Variants in TMEFF1 observed in about 807,000 individuals in gnomAD.
TMEFF1 encodes transmembrane protein with EGF like and two follistatin like domains 1.
A neutral mutation model predicts 47.5 loss-of-function variants in TMEFF1; 20 were observed. That is an observed-to-expected ratio of 0.42 (90% CI 0.30 to 0.61). The LOEUF (loss-of-function observed/expected upper bound fraction) is 0.61, where lower values mean the gene tolerates loss of function less well. Ranked by LOEUF, TMEFF1 falls within the 20% of genes least tolerant of loss-of-function variation. TMEFF1 has a pLI of 0.19. For missense variants in TMEFF1, 411 were observed against 471.1 expected (o/e 0.87, Z 1.18); for synonymous variants, 162 against 166.3 (o/e 0.97, Z 0.20).
At position 100,491,438 on chromosome 9, in the gene TMEFF1, A is replaced by G. The variant is rs768810883; in HGVS notation, c.197-7327A>G. On this transcript the variant is annotated intron_variant, in intron 1 of 9. Coordinates refer to ENST00000374879, the MANE Select transcript of TMEFF1 (RefSeq NM_003692.5). ...TTTGAACATATTCTGTGGGGAGTCA[A>G]TACAGAATCCAGTAGAGATGAATTA... Among the ~76,000 whole-genome samples, 113 of 152,354 alleles carry G rather than the reference A, an allele frequency of 7.4e-4. 2 individuals are homozygous for G. In the Middle Eastern group the frequency reaches 0.017, roughly 23 times the overall value.
At chr9:100,490,351 A>G (rs895646870) in intron 1 of TMEFF1, among the ~76,000 whole-genome samples, 5 of 152,128 alleles carry the variant, frequency 3.3e-5, no homozygotes, top group Non-Finnish European at 7.4e-5. Flanking sequence ...TTTAATTTCT[A>G]ATTTTTCTGA....
At chr9:100,480,814 G>A (rs950725272) in intron 1 of TMEFF1, among the ~76,000 whole-genome samples, 5 of 152,136 alleles carry the variant, frequency 3.3e-5, no homozygotes, top group African/African-American at 1.2e-4. Context: ...GACTTTTTTG[G>A]TTAATAGATC....
At chr9:100,529,990 AC>A (rs1838344970) in intron 5 of TMEFF1, among the ~76,000 whole-genome samples, 1 of 152,128 alleles carries the variant, frequency 6.6e-6, no homozygotes, top group African/African-American at 2.4e-5. Context: ...CTCCTGAATG[AC>A]TACTGGGTAC....
At chr9:100,498,989 C>T in intron 2 of TMEFF1, 115 bp downstream of exon 2, 1 of 1,036,856 alleles carries the variant, frequency 9.6e-7, no homozygotes. Context: ...ATTGGGGTCA[C>T]AGCCCCTCAG....
At chr9:100,544,925 A>G (rs1394651290) in intron 5 of TMEFF1, among the ~76,000 whole-genome samples, 2 of 152,232 alleles carry the variant, frequency 1.3e-5, no homozygotes, top group African/African-American at 4.8e-5. Context: ...CACATCTTGT[A>G]TCTGGGTCAT....
At chr9:100,500,242 G>A (rs1044280667) in intron 2 of TMEFF1, among the ~76,000 whole-genome samples, 1 of 152,120 alleles carries the variant, frequency 6.6e-6, no homozygotes, top group African/African-American at 2.4e-5. Flanking sequence ...AAGTACTGTG[G>A]TATGGTTTTT....
At position 100,547,769 on chromosome 9, in the gene TMEFF1, G is replaced by A. The variant is rs1384497870; in HGVS notation, c.586G>A (p.Gly196Arg). The A allele has an allele frequency of 3.1e-6, 5 of 1,594,820 alleles. No individual in the cohort carries two copies. The highest frequency in any genetic ancestry group is 4.3e-6 in the Non-Finnish European group (5 of 1,172,458). Residue 196 changes from glycine (G) to arginine (R), a missense_variant, in exon 6 of 10, where the codon GGA (glycine) becomes AGA (arginine). By Grantham distance (125) the Gly-to-Arg change is moderately radical. Coordinates refer to ENST00000374879, the MANE Select transcript of TMEFF1 (RefSeq NM_003692.5). Reference sequence around the variant, plus strand: ...GTGTGTATGTAATATAGATTGCAGTGGATACAGTTTTAATCCTGTGTGTGC... The same window carrying A: ...GTGTGTATGTAATATAGATTGCAGTAGATACAGTTTTAATCCTGTGTGTGC... ...VGCVCNIDCS[G>R]YSFNPVCASD...
intron 5 of TMEFF1, among the ~76,000 whole-genome samples, chr9:100,521,058 C>T (rs1289531468): frequency 6.6e-6 from 1 of 152,210 alleles, no homozygotes; most frequent in Non-Finnish European, 1.5e-5. Context: ...ATTTGCTTCT[C>T]TGCTTCCCTG....
chr9:100,515,970 T>C (rs918325012), intron 4 of TMEFF1, among the ~76,000 whole-genome samples: 1 of 152,072 alleles, frequency 6.6e-6, no homozygotes, highest in Admixed American at 6.5e-5. Context: ...ACCCACAAAG[T>C]GTAAGGCCCT....
chr9:100,560,890 T>C (rs1839002162), intron 7 of TMEFF1, among the ~76,000 whole-genome samples: 1 of 152,242 alleles, frequency 6.6e-6, no homozygotes, highest in African/African-American at 2.4e-5. Flanking sequence ...AAAATCAATG[T>C]GCTTGATAAT....
Position 100,555,195 on chromosome 9 carries a change from G to A in TMEFF1, c.775+5035G>A, listed in dbSNP as rs113694018. ...CACACACACACACACACACACACACGCACACACATTGTTGCAGTTGCAACA... is the reference window on the plus strand; with the variant it reads ...CACACACACACACACACACACACACACACACACATTGTTGCAGTTGCAACA... On this transcript the variant is annotated intron_variant, in intron 7 of 9. Transcript: ENST00000374879. Among the ~76,000 whole-genome samples the A allele has an allele frequency of 2.2e-3, 293 of 135,674 alleles. 3 individuals carry two copies. The East Asian group carries it at 0.048, about 22-fold the overall frequency. The allele number at this position is 135,674 out of a possible 152,430, so 89.0% of individuals were successfully genotyped here.
intron 1 of TMEFF1, among the ~76,000 whole-genome samples, chr9:100,490,031 C>T (rs140948811): frequency 1.2e-4 from 18 of 150,634 alleles, no homozygotes; most frequent in African/African-American, 2.9e-4. Context: ...AAGTAGGCAG[C>T]GGGGGAAGAT....
intron 5 of TMEFF1, among the ~76,000 whole-genome samples, chr9:100,539,752 T>C (rs1838591794): frequency 2.0e-5 from 3 of 152,196 alleles, no homozygotes; most frequent in Admixed American, 2.0e-4. Flanking sequence ...CACTGCTGGC[T>C]TAGGCAGCCT....
Position 100,532,832 on chromosome 9 carries a change from C to G in TMEFF1, c.561-14912C>G, listed in dbSNP as rs1206611892. On this transcript the variant is annotated intron_variant, in intron 5 of 9. Transcript: ENST00000374879. ...TATTCACAATCGCAAAGACTTGGAA[C>G]CAACCCAAATGTCCAACAATGATAG... Among the ~76,000 whole-genome samples, 5 of 151,966 alleles carry G rather than the reference C, an allele frequency of 3.3e-5. No individual in the cohort carries two copies. The East Asian group carries it at 9.7e-4, about 29-fold the overall frequency.
intron 8 of TMEFF1, among the ~76,000 whole-genome samples, chr9:100,571,617 A>G (rs1839241469): frequency 6.6e-6 from 1 of 152,092 alleles, no homozygotes; most frequent in Non-Finnish European, 1.5e-5. Flanking sequence ...CTAGTTCCGT[A>G]CAAGACAGTT....
chr9:100,483,692 A>G (rs1229434951), intron 1 of TMEFF1, among the ~76,000 whole-genome samples: 1 of 152,146 alleles, frequency 6.6e-6, no homozygotes, highest in Non-Finnish European at 1.5e-5. Flanking sequence ...AAATGTTGTA[A>G]TAGTACACCC....
chr9:100,515,814 A>ACAAC (rs1554684920), intron 4 of TMEFF1, among the ~76,000 whole-genome samples: 68 of 151,822 alleles, frequency 4.5e-4, no homozygotes, highest in African/African-American at 1.5e-3. Flanking sequence ...AAACAAACAA[A>ACAAC]AAAAAAAGAC....
chr9:100,490,534 G>T (rs912546156), intron 1 of TMEFF1, among the ~76,000 whole-genome samples: 2 of 152,212 alleles, frequency 1.3e-5, no homozygotes, highest in East Asian at 3.9e-4. Flanking sequence ...CTTGTTTTAG[G>T]CACGATTGCT....
At chr9:100,514,962 T>A (rs1180789311) in intron 4 of TMEFF1, among the ~76,000 whole-genome samples, 4 of 151,824 alleles carry the variant, frequency 2.6e-5, no homozygotes, top group African/African-American at 9.7e-5. Flanking sequence ...GCCACTGCAC[T>A]CCAGCCTGGG....
Sources: gnomAD v4.1 joint callset for allele counts (sites outside exome capture counted in the v4.1 genomes callset) on GRCh38, gnomAD v4.1.1 for gene constraint, MANE v1.5 for transcripts, NCBI Gene and HGNC (gene_info 2026-07-23, HGNC 2026-07-21) for gene names.